The following ITGB1 variants were observed in gnomAD, a reference collection of about 807,000 sequenced individuals.
The protein encoded by ITGB1 is integrin subunit beta 1, also known as integrin beta-1.
In ITGB1, 24 loss-of-function variants were observed where a neutral mutation model predicts 86.5. That is an observed-to-expected ratio of 0.28 (90% CI 0.20 to 0.39). ITGB1 has a LOEUF of 0.39. ITGB1 is among the 10% of genes least tolerant of loss of function. ITGB1 has a pLI of 1.00. For missense variants in ITGB1, 556 were observed against 946.9 expected, an observed-to-expected ratio of 0.59 and a Z score of 5.42; for synonymous variants, 323 against 316.8, an observed-to-expected ratio of 1.02 and a Z score of -0.21.
chr10:32,914,863 T>C (rs1240916631), intron 11 of ITGB1, among the ~76,000 whole-genome samples: 1 of 152,080 alleles, frequency 6.6e-6, no homozygotes, highest in Non-Finnish European at 1.5e-5. Context: ...AGAATATACA[T>C]TCTTCTCAGC....
At chr10:32,932,641 G>GCTT in intron 2 of ITGB1, 41 bp from the exon 3 acceptor site, 1 of 1,111,676 alleles carries the variant, frequency 9.0e-7, no homozygotes, top group South Asian at 1.2e-5. Context: ...TATGTGAAGT[G>GCTT]TCAGAGAGAA....
At chr10:32,922,159 G>T in intron 9 of ITGB1, 98 bp downstream of exon 9, 2 of 685,862 alleles carry the variant, frequency 2.9e-6, no homozygotes, top group African/African-American at 1.9e-5. Context: ...AGTACTTTGG[G>T]CTCGCTAAAG....
chr10:32,947,190 A>G (rs2095033297), intron 1 of ITGB1, among the ~76,000 whole-genome samples: 1 of 152,098 alleles, frequency 6.6e-6, no homozygotes, highest in Non-Finnish European at 1.5e-5. Flanking sequence ...TTGAATGTTA[A>G]TATTATGTGC....
chr10:32,911,942 T>C lies in ITGB1; in HGVS notation c.1652A>G (p.Lys551Arg), dbSNP rs368864516. The change falls in exon 12 of 16, where the codon AAA becomes AGA. Residue 551 changes from lysine to arginine, a missense_variant. Physicochemically the swap from Lys to Arg is conservative, Grantham distance 26. Coordinates refer to ENST00000302278, the MANE Select transcript of ITGB1 (RefSeq NM_002211.4). ...RDNTNEIYSG[K>R]FCECDNFNCD... ...GTTGAAATTATCACACTCGCAGAAT[T>C]TGCCAGAATAAATTTCATTTGTATT... 2 of 1,613,978 alleles carry C rather than the reference T, an allele frequency of 1.2e-6. No homozygotes were observed. The highest frequency in any genetic ancestry group is 1.7e-5 in the Admixed American group (1 of 60,006).
intron 1 of ITGB1, among the ~76,000 whole-genome samples, chr10:32,943,015 CA>C (rs34682573): frequency 6.6e-6 from 1 of 151,952 alleles, no homozygotes; most frequent in African/African-American, 2.4e-5. Flanking sequence ...GACCCTGCCT[CA>C]AAAAGTTAAA....
intron 3 of ITGB1, among the ~76,000 whole-genome samples, chr10:32,932,117 T>TA (rs1235164782): frequency 6.6e-6 from 1 of 152,012 alleles, no homozygotes; most frequent in African/African-American, 2.4e-5. Context: ...GGTTCTCCCA[T>TA]AAAAATCTAA....
In ITGB1 at chr10:32,956,219, T is replaced by C. The variant is rs180995030; in HGVS notation, c.-1+1926A>G. Among the ~76,000 whole-genome samples, 7 of 152,278 alleles carry C rather than the reference T, an allele frequency of 4.6e-5. No individual in the cohort carries two copies. The East Asian group carries it at 1.4e-3, about 29-fold the overall frequency. Reference sequence around the variant, plus strand: ...ATGAGAATTATAGTGAGACTCTAAGTCCTAACCCCTCTGGGCCTTGATGTC... The same window carrying C: ...ATGAGAATTATAGTGAGACTCTAAGCCCTAACCCCTCTGGGCCTTGATGTC... On this transcript the variant is annotated intron_variant, in intron 1 of 15. Coordinates refer to ENST00000302278, the MANE Select transcript of ITGB1 (RefSeq NM_002211.4).
At position 32,901,237 on chromosome 10, in the gene ITGB1, C is replaced by T. The variant is rs1394032608; in HGVS notation, c.*333G>A. On this transcript the variant is annotated 3_prime_UTR_variant, in exon 16 of 16. Coordinates refer to ENST00000302278, the MANE Select transcript of ITGB1 (RefSeq NM_002211.4). ...GATTAACAGAAACTCTCATCATGCT[C>T]ATTACTTTAACTATTGCCCTTTCAA... is the stretch of plus-strand genomic sequence containing the variant. The T allele has an allele frequency of 4.4e-5, 9 of 202,376 alleles. No homozygotes were observed. The East Asian group carries it at 8.0e-4, about 18-fold the overall frequency. 12.5% of individuals were successfully genotyped at this position (202,376 alleles called of 1,614,324 possible).
At chr10:32,940,016 G>T (rs2095014531) in intron 1 of ITGB1, among the ~76,000 whole-genome samples, 1 of 152,068 alleles carries the variant, frequency 6.6e-6, no homozygotes, top group East Asian at 1.9e-4. Context: ...CCTGCCTGAG[G>T]CTGTTTTACT....
chr10:32,930,835 A>G (rs1237374927), intron 3 of ITGB1, among the ~76,000 whole-genome samples: 1 of 152,182 alleles, frequency 6.6e-6, no homozygotes, highest in Non-Finnish European at 1.5e-5. Context: ...CAAACAACTT[A>G]GAAATAAAAA....
intron 6 of ITGB1, among the ~76,000 whole-genome samples, chr10:32,923,990 CT>C (rs1282278057): frequency 6.6e-6 from 1 of 152,102 alleles, no homozygotes; most frequent in African/African-American, 2.4e-5. Flanking sequence ...TTTTTAAAAA[CT>C]GTTTTTTTGT....
intron 1 of ITGB1, among the ~76,000 whole-genome samples, chr10:32,943,360 A>AT (rs1024345408): frequency 1.7e-4 from 25 of 150,264 alleles, no homozygotes; most frequent in East Asian, 5.9e-4. Context: ...TGAAAGCATG[A>AT]TTTTTTTTTA....
intron 1 of ITGB1, among the ~76,000 whole-genome samples, chr10:32,956,000 G>GT (rs2095051454): frequency 1.3e-5 from 2 of 152,284 alleles, no homozygotes; most frequent in South Asian, 4.1e-4. Context: ...CAGAATTAAA[G>GT]TATTAACCAC....
At chr10:32,922,485 G>A in intron 8 of ITGB1, 139 bp from the exon 9 acceptor site, 1 of 765,716 alleles carries the variant, frequency 1.3e-6, no homozygotes. Context: ...CTAGAAACCA[G>A]TTTTATAATA....
rs570275400 is a variant in ITGB1, at chr10:32,911,761, G to A, written c.1709-91C>T. Reference sequence around the variant, plus strand: ...AAAATAAGCAACAACATGTGAGAAAGTATACCTAGGGGCGAGACTGACCCT... The same window carrying A: ...AAAATAAGCAACAACATGTGAGAAAATATACCTAGGGGCGAGACTGACCCT... On this transcript the variant is annotated intron_variant, in intron 12 of 15. Transcript: ENST00000302278. 3.4e-6 allele frequency: 5 copies of A among 1,464,532 alleles called. No homozygotes were observed. In the African/African-American group the frequency reaches 5.5e-5, roughly 16 times the overall value. 90.7% of individuals were successfully genotyped at this position (1,464,532 alleles called of 1,614,324 possible).
intron 11 of ITGB1, among the ~76,000 whole-genome samples, chr10:32,916,747 G>A (rs1022077508): frequency 2.0e-4 from 31 of 152,086 alleles, no homozygotes; most frequent in Non-Finnish European, 3.5e-4. Context: ...AATCAATATC[G>A]TGAAAATGGC....
intron 11 of ITGB1, among the ~76,000 whole-genome samples, chr10:32,915,719 G>A (rs1046533747): frequency 5.9e-5 from 9 of 152,086 alleles, no homozygotes; most frequent in Middle Eastern, 3.2e-3. Flanking sequence ...ATTCACAGCC[G>A]AATTCTACCA....
chr10:32,931,503 GAT>G (rs2094983285), intron 3 of ITGB1, among the ~76,000 whole-genome samples: 2 of 152,070 alleles, frequency 1.3e-5, no homozygotes, highest in African/African-American at 4.8e-5. Flanking sequence ...CTCATTTTCA[GAT>G]ATGAAAACCA....
intron 1 of ITGB1, among the ~76,000 whole-genome samples, chr10:32,953,218 T>A (rs2095045941): frequency 1.3e-5 from 2 of 152,212 alleles, no homozygotes; most frequent in African/African-American, 4.8e-5. Flanking sequence ...TTTCTAACAT[T>A]GTTAGGGAAT....
Sources: allele counts gnomAD v4.1 joint callset (sites outside exome capture counted in the v4.1 genomes callset), GRCh38; gene constraint gnomAD v4.1.1; transcripts MANE v1.5; gene names NCBI Gene and HGNC (gene_info 2026-07-23, HGNC 2026-07-21).